RPH3AL: variants seen among roughly 807,000 people sequenced by gnomAD.
RPH3AL encodes rabphilin 3A like (without C2 domains), also known as rab effector Noc2.
In RPH3AL, 38 loss-of-function variants were observed where a neutral mutation model predicts 43.1. The ratio of observed to expected loss-of-function variants is 0.88; its 90% confidence interval spans 0.68 to 1.15. The LOEUF is 1.15. Among genes scored for constraint, RPH3AL ranks in the 50% most tolerant of loss-of-function variants. The pLI is 0.00. For synonymous variants in RPH3AL, 189 were observed against 176.3 expected (o/e 1.07, Z -0.57); for missense variants, 462 against 423.2 (o/e 1.09, Z -0.81).
intron 7 of RPH3AL, among the ~76,000 whole-genome samples, chr17:223,045 C>T (rs918356692): frequency 6.6e-6 from 1 of 152,048 alleles, no homozygotes; most frequent in Non-Finnish European, 1.5e-5. Flanking sequence ...CAAAAGTAAG[C>T]TTGGCGTTGT....
intron 6 of RPH3AL, among the ~76,000 whole-genome samples, chr17:255,834 T>C (rs1270043000): frequency 3.4e-4 from 14 of 41,722 alleles, no homozygotes; most frequent in African/African-American, 1.1e-3. Context: ...CTACCCTACG[T>C]ACTTCCTATG....
intron 7 of RPH3AL, among the ~76,000 whole-genome samples, chr17:244,223 G>A (rs1423108603): frequency 3.4e-5 from 5 of 146,932 alleles, no homozygotes; most frequent in Non-Finnish European, 7.5e-5. Flanking sequence ...TTCCTCTATT[G>A]ATTACCCTTC....
intron 6 of RPH3AL, among the ~76,000 whole-genome samples, chr17:268,553 G>GGT (rs374509971): frequency 5.4e-5 from 4 of 74,518 alleles, no homozygotes; most frequent in African/African-American, 2.2e-4. Flanking sequence ...ATGTTTTTGG[G>GGT]TTTTTTTTTT....
At position 283,494 on chromosome 17, in the gene RPH3AL, T is replaced by C. The variant is rs1207590236; in HGVS notation, c.352-1640A>G. ...TGCTCCAAGCTCCTGTCCCTCTGGA[T>C]TGGCAGGAAAATCTGCCCAAGCCTC... is the stretch of plus-strand genomic sequence containing the variant. On this transcript the variant is annotated intron_variant, in intron 5 of 9. Transcript: ENST00000331302. This position sits in a 1 kb window ranked among gnomAD's most constrained non-coding sequence, Gnocchi z 4.2. 1.3e-5 allele frequency among the ~76,000 whole-genome samples: 2 copies of C among 152,178 alleles called. No homozygotes were observed. The highest frequency in any genetic ancestry group is 1.9e-4 in the East Asian group (1 of 5,194).
chr17:262,631 C>T (rs782521464), intron 6 of RPH3AL, among the ~76,000 whole-genome samples: 5 of 152,182 alleles, frequency 3.3e-5, no homozygotes, highest in African/African-American at 1.2e-4. Context: ...TCAAGGCCAG[C>T]CTGGCCAAGC....
intron 5 of RPH3AL, among the ~76,000 whole-genome samples, chr17:316,082 GCTCC>G (rs2044147171): frequency 5.8e-5 from 4 of 68,916 alleles, no homozygotes; most frequent in East Asian, 5.1e-4. Context: ...TAGTCCCTGT[GCTCC>G]ACCTCCATTG....
intron 1 of RPH3AL, among the ~76,000 whole-genome samples, chr17:336,386 C>T (rs540333952): frequency 2.0e-3 from 302 of 152,310 alleles, no homozygotes; most frequent in Admixed American, 4.8e-3. Flanking sequence ...ATGCACCAAG[C>T]GGGCTCGAGT....
intron 2 of RPH3AL, among the ~76,000 whole-genome samples, chr17:329,765 T>C (rs2151712106): frequency 6.6e-6 from 1 of 152,358 alleles, no homozygotes; most frequent in African/African-American, 2.4e-5. Context: ...ATTCACGCAT[T>C]TGTGGCAGGT....
At chr17:314,322 G>A (rs2043765680) in intron 5 of RPH3AL, among the ~76,000 whole-genome samples, 1 of 151,914 alleles carries the variant, frequency 6.6e-6, no homozygotes, top group African/African-American at 2.4e-5. Context: ...AGAGACAGGA[G>A]GAGGAAGCAC....
intron 7 of RPH3AL, among the ~76,000 whole-genome samples, chr17:240,255 T>G (rs1302329777): frequency 3.6e-5 from 5 of 140,464 alleles, no homozygotes; most frequent in Admixed American, 1.5e-4. Flanking sequence ...AAAAAAAAGG[T>G]TTTTTTGTTG....
At chr17:239,120 G>C (rs2041468734) in intron 7 of RPH3AL, among the ~76,000 whole-genome samples, 1 of 152,128 alleles carries the variant, frequency 6.6e-6, no homozygotes, top group African/African-American at 2.4e-5. Flanking sequence ...CCACCAAGGG[G>C]TCTGCAGGCA....
intron 5 of RPH3AL, among the ~76,000 whole-genome samples, chr17:293,750 C>T (rs562821544): frequency 2.6e-5 from 4 of 152,038 alleles, no homozygotes; most frequent in South Asian, 2.1e-4. Flanking sequence ...CAAATCTGGT[C>T]GGGCGCGGTG....
At position 328,727 on chromosome 17, in the gene RPH3AL, T is replaced by A. The variant is rs2044676399; in HGVS notation, c.-36-1148A>T. ...TTATTATTTACAATGGATTATGATT[T>A]ACAATGGATTATTATTTACAATGGA... is the stretch of plus-strand genomic sequence containing the variant. On this transcript the variant is annotated intron_variant, in intron 2 of 9. Transcript: ENST00000331302. The surrounding 1 kb of genome is among the most constrained non-coding windows in gnomAD (Gnocchi z 4.2). 6.6e-6 allele frequency among the ~76,000 whole-genome samples: 1 copy of A among 152,218 alleles called. No individual in the cohort carries two copies. The highest frequency in any genetic ancestry group is 6.5e-5 in the Admixed American group (1 of 15,286).
chr17:253,365 C>T (rs1176075583), intron 6 of RPH3AL, among the ~76,000 whole-genome samples: 4 of 152,140 alleles, frequency 2.6e-5, no homozygotes, highest in African/African-American at 9.7e-5. Flanking sequence ...CTAAGACACC[C>T]CACAGAGCTG....
rs955727847 is a variant in RPH3AL at position 283,281 on chromosome 17, G to A, written c.352-1427C>T. On this transcript the variant is annotated intron_variant, in intron 5 of 9. Coordinates refer to ENST00000331302, the MANE Select transcript of RPH3AL (RefSeq NM_006987.4). This position sits in a 1 kb window ranked among gnomAD's most constrained non-coding sequence, Gnocchi z 4.2. Reference sequence around the variant, plus strand: ...AAAATGTCACCAACTTGGCTTCCACGTCGAGCGTGTCGAGCGTGTGGAGGT... The same window carrying A: ...AAAATGTCACCAACTTGGCTTCCACATCGAGCGTGTCGAGCGTGTGGAGGT... 4.6e-5 allele frequency among the ~76,000 whole-genome samples: 7 copies of A among 152,150 alleles called. No individual in the cohort carries two copies. The highest frequency in any genetic ancestry group is 7.3e-5 in the Non-Finnish European group (5 of 68,034).
chr17:345,640 ACGCACACCC>A (rs2045220552), intron 1 of RPH3AL, among the ~76,000 whole-genome samples: 3 of 117,620 alleles, frequency 2.6e-5, no homozygotes, highest in African/African-American at 8.1e-5. Context: ...CCCCATCTGC[ACGCACACCC>A]TGCTGGGGCA....
chr17:239,438 T>A (rs1220920330), intron 7 of RPH3AL, among the ~76,000 whole-genome samples: 2 of 152,190 alleles, frequency 1.3e-5, no homozygotes, highest in East Asian at 3.8e-4. Context: ...ATGGTTGGCG[T>A]CCATACATTC....
intron 5 of RPH3AL, among the ~76,000 whole-genome samples, chr17:307,217 CCA>C (rs1555568471): frequency 4.5e-5 from 3 of 67,148 alleles, no homozygotes; most frequent in South Asian, 5.2e-4. Context: ...CAGGTCCATC[CCA>C]CGGCAGGTCC....
chr17:282,776 C>G (rs2042812316), intron 5 of RPH3AL, among the ~76,000 whole-genome samples: 1 of 152,200 alleles, frequency 6.6e-6, no homozygotes, highest in African/African-American at 2.4e-5. Context: ...TCTGTGGCTG[C>G]TAGGCCACAA....
Sources: allele counts gnomAD v4.1 joint callset (sites outside exome capture counted in the v4.1 genomes callset), GRCh38; gene constraint gnomAD v4.1.1; non-coding constraint Gnocchi (gnomAD v3.1); transcripts MANE v1.5; gene names NCBI Gene and HGNC (gene_info 2026-07-23, HGNC 2026-07-21).